ERC2: variants seen among roughly 807,000 people sequenced by gnomAD.
ERC2 encodes the protein ERC protein 2.
A neutral mutation model predicts 114.8 loss-of-function variants in ERC2; 42 were observed. That is an observed-to-expected ratio of 0.37 (90% CI 0.29 to 0.47). The LOEUF is 0.47. Ranked by LOEUF, ERC2 falls within the 20% of genes least tolerant of loss-of-function variation. The probability of loss-of-function intolerance (pLI) is 0.99; values close to 1 mark genes in which losing one functional copy is unlikely to be tolerated. For missense variants in ERC2, 939 were observed against 1,150.7 expected, an observed-to-expected ratio of 0.82 and a Z score of 2.66; for synonymous variants, 454 against 425.5, an observed-to-expected ratio of 1.07 and a Z score of -0.82.
intron 2 of ERC2, among the ~76,000 whole-genome samples, chr3:56,368,757 C>T (rs1292098497): frequency 2.0e-5 from 3 of 152,072 alleles, no homozygotes; most frequent in African/African-American, 7.2e-5. Context: ...GGTTAAGGCC[C>T]CCTTCCCACA....
chr3:56,014,155 C>T (rs1200084298), intron 8 of ERC2, among the ~76,000 whole-genome samples: 1 of 152,084 alleles, frequency 6.6e-6, no homozygotes, highest in Non-Finnish European at 1.5e-5. Flanking sequence ...GCTCACAAAG[C>T]TGGTACATAG....
chr3:56,455,907 A>G (rs1376559848), intron 1 of ERC2, among the ~76,000 whole-genome samples: 1 of 152,258 alleles, frequency 6.6e-6, no homozygotes, highest in African/African-American at 2.4e-5. Flanking sequence ...TCTTTTGCCT[A>G]GAGGTGGGCT....
chr3:55,534,489 T>G (rs2053869312), intron 17 of ERC2, among the ~76,000 whole-genome samples: 1 of 148,492 alleles, frequency 6.7e-6, no homozygotes. Context: ...AGCCCAGGAG[T>G]CTCAGAACAG....
At position 56,139,627 on chromosome 3, in the gene ERC2, G is replaced by A; in HGVS notation, c.1355C>T (p.Ala452Val). The part of the protein sequence containing the change: ...ELSKKESELL[A>V]LQTKLETLSN... ...GAGGGTTTCAAGCTTTGTTTGTAAG[G>A]CAAGAAGTTCCGACTCTTTCTTTGA... The change falls in exon 6 of 18, where the codon GCC becomes GTC. Residue 452 changes from alanine (A) to valine (V), a missense_variant. By Grantham distance (64) the Ala-to-Val change is moderately conservative. Coordinates refer to ENST00000288221, the MANE Select transcript of ERC2 (RefSeq NM_015576.3). 6.2e-7 allele frequency: 1 copy of A among 1,611,650 alleles called. No homozygotes were observed. The highest frequency in any genetic ancestry group is 8.5e-7 in the Non-Finnish European group (1 of 1,178,842).
intron 9 of ERC2, among the ~76,000 whole-genome samples, chr3:56,007,645 A>T (rs1370892128): frequency 1.3e-5 from 2 of 152,094 alleles, no homozygotes; most frequent in East Asian, 3.9e-4. Flanking sequence ...GACACCCTGA[A>T]CCTTCCGTTT....
chr3:55,794,223 T>TC (rs2070290925), intron 14 of ERC2, among the ~76,000 whole-genome samples: 1 of 152,198 alleles, frequency 6.6e-6, no homozygotes, highest in Non-Finnish European at 1.5e-5. Context: ...CTCCTTTTGC[T>TC]ATCTGGTGCC....
intron 3 of ERC2, among the ~76,000 whole-genome samples, chr3:56,247,475 T>C (rs1488751695): frequency 6.6e-6 from 1 of 152,238 alleles, no homozygotes; most frequent in Non-Finnish European, 1.5e-5. Flanking sequence ...TCCCTTCTGC[T>C]TCAGTGTAAT....
intron 14 of ERC2, among the ~76,000 whole-genome samples, chr3:55,735,191 G>A (rs1401568553): frequency 6.6e-6 from 1 of 152,128 alleles, no homozygotes; most frequent in East Asian, 1.9e-4. Flanking sequence ...ATTCATTGCT[G>A]ACACATTTAT....
At chr3:55,954,142 A>G (rs544551511) in intron 12 of ERC2, among the ~76,000 whole-genome samples, 48 of 142,788 alleles carry the variant, frequency 3.4e-4, no homozygotes, top group African/African-American at 1.2e-3. Context: ...TTTTCTCCAG[A>G]AAAAAAAAAA....
intron 11 of ERC2, among the ~76,000 whole-genome samples, chr3:55,991,673 G>T (rs1423102937): frequency 6.6e-6 from 1 of 152,120 alleles, no homozygotes; most frequent in Non-Finnish European, 1.5e-5. Flanking sequence ...TTTGGTGTTG[G>T]TGGTGGTGTT....
At chr3:56,428,709 A>G (rs978800339) in intron 2 of ERC2, among the ~76,000 whole-genome samples, 7 of 152,226 alleles carry the variant, frequency 4.6e-5, no homozygotes, top group African/African-American at 1.7e-4. Context: ...TTGAAACTGG[A>G]TCAAAAACTC....
At chr3:55,845,420 C>T (rs906518679) in intron 14 of ERC2, among the ~76,000 whole-genome samples, 2 of 145,200 alleles carry the variant, frequency 1.4e-5, no homozygotes, top group South Asian at 2.2e-4. Context: ...AGGAGAATGC[C>T]GTGAACCCGG....
chr3:55,676,478 T>TTATTAC (rs2061821488), intron 17 of ERC2, among the ~76,000 whole-genome samples: 1 of 150,324 alleles, frequency 6.7e-6, no homozygotes, highest in South Asian at 2.1e-4. Context: ...ATTATTATTA[T>TTATTAC]TTTAGCATTC....
rs1355867647 is a variant in ERC2, at chr3:56,010,432, TG to T, written c.1920+16del. ...ATGAGGACTATCAATGTGGTTCATT[TG>T]TTTTTCCAGACTCACCTCTTTCTCA... On this transcript the variant is annotated intron_variant, in intron 9 of 17. Coordinates refer to ENST00000288221, the MANE Select transcript of ERC2 (RefSeq NM_015576.3). 1 of 1,611,192 alleles carries T rather than the reference TG, an allele frequency of 6.2e-7. No homozygotes were observed. The highest frequency in any genetic ancestry group is 8.5e-7 in the Non-Finnish European group (1 of 1,178,910).
intron 14 of ERC2, among the ~76,000 whole-genome samples, chr3:55,775,572 AT>A (rs2068536236): frequency 2.0e-5 from 3 of 147,100 alleles, no homozygotes; most frequent in Non-Finnish European, 3.0e-5. Context: ...AAATAAATAA[AT>A]AAATAAATAA....
At chr3:56,214,352 G>T (rs2049301044) in intron 3 of ERC2, among the ~76,000 whole-genome samples, 1 of 149,926 alleles carries the variant, frequency 6.7e-6, no homozygotes, top group African/African-American at 2.5e-5. Flanking sequence ...GAATGCACAA[G>T]CTTCAGTAGC....
chr3:55,720,911 T>A (rs1364262718), intron 15 of ERC2, among the ~76,000 whole-genome samples: 1 of 152,180 alleles, frequency 6.6e-6, no homozygotes, highest in Non-Finnish European at 1.5e-5. Context: ...TTAAAGACCT[T>A]GCCCCAGAGA....
At chr3:56,175,821 A>G (rs1344529259) in intron 3 of ERC2, among the ~76,000 whole-genome samples, 1 of 152,194 alleles carries the variant, frequency 6.6e-6, no homozygotes, top group Non-Finnish European at 1.5e-5. Context: ...AGAAATTAGG[A>G]AATTATGAGT....
intron 4 of ERC2, among the ~76,000 whole-genome samples, chr3:56,154,083 T>C (rs1466273834): frequency 2.0e-5 from 3 of 152,182 alleles, no homozygotes; most frequent in African/African-American, 4.8e-5. Context: ...TAAAAAATCA[T>C]CTAGTCATAG....
Sources: gnomAD v4.1 joint callset for allele counts (sites outside exome capture counted in the v4.1 genomes callset) on GRCh38, gnomAD v4.1.1 for gene constraint, MANE v1.5 for transcripts, NCBI Gene and HGNC (gene_info 2026-07-23, HGNC 2026-07-21) for gene names.